Variants in RBM28 observed in about 807,000 individuals in gnomAD.
RBM28 encodes RNA binding motif protein 28.
In RBM28, 78 loss-of-function variants were observed where a neutral mutation model predicts 98.3. That is an observed-to-expected ratio of 0.79 (90% CI 0.66 to 0.96). The LOEUF (loss-of-function observed/expected upper bound fraction) is 0.96, where lower values mean the gene tolerates loss of function less well. Ranked by LOEUF, RBM28 falls within the 40% of genes least tolerant of loss-of-function variation. The pLI, the probability that RBM28 is intolerant of heterozygous loss-of-function variation, is 0.00. For synonymous variants in RBM28, 306 were observed against 330.9 expected, an observed-to-expected ratio of 0.92 and a Z score of 0.82; for missense variants, 838 against 913.0, an observed-to-expected ratio of 0.92 and a Z score of 1.06.
intron 17 of RBM28, among the ~76,000 whole-genome samples, chr7:128,314,408 A>G (rs959045484): frequency 1.3e-5 from 2 of 152,230 alleles, no homozygotes; most frequent in African/African-American, 4.8e-5. Context: ...TTTAACAAAT[A>G]TTTTGTAAAG....
In RBM28 at chr7:128,337,191, C is replaced by T. The variant is rs773829150; in HGVS notation, c.553G>A (p.Ala185Thr). 10 of 1,614,134 alleles carry T rather than the reference C, an allele frequency of 6.2e-6. No individual in the cohort carries two copies. Among genetic ancestry groups the T allele is most frequent in the Non-Finnish European group, 8.5e-6 (10 of 1,179,990 alleles). The change falls in exon 6 of 19, where the codon GCT becomes ACT. Residue 185 changes from alanine (A) to threonine (T), a missense_variant. Transcript: ENST00000223073. ...TCCTTTGCCACGGCCCAATCCACAG[C>T]CACTGTCCGGCCTGTCAAGCAGAAA... Reference protein sequence around the residue: ...NMKEIKGRTVAVDWAVAKDKY... With the variant: ...NMKEIKGRTVTVDWAVAKDKY...
intron 14 of RBM28, among the ~76,000 whole-genome samples, chr7:128,319,099 T>C (rs897845457): frequency 6.6e-6 from 1 of 152,204 alleles, no homozygotes; most frequent in African/African-American, 2.4e-5. Flanking sequence ...ATCATTTACA[T>C]GCCATTACTA....
In RBM28 at chr7:128,335,930, TTCA is replaced by T. The variant is rs371731521; in HGVS notation, c.723_725del (p.Asp241del). 109 of 1,606,740 alleles carry T rather than the reference TTCA, an allele frequency of 6.8e-5. No homozygotes were observed. Among genetic ancestry groups the T allele is most frequent in the Middle Eastern group, 3.3e-4 (2 of 6,066 alleles). On this transcript the variant is annotated inframe_deletion, in exon 7 of 19. Coordinates refer to ENST00000223073, the MANE Select transcript of RBM28 (RefSeq NM_018077.3). ...CTTCATCATCAAAAACCCCATCTTC[TTCA>T]TCATCATCATCGTCATCATCATCGT...
In RBM28 at chr7:128,337,191, C is replaced by G. The variant is rs773829150; in HGVS notation, c.553G>C (p.Ala185Pro). Residue 185 changes from alanine (A) to proline (P), a missense_variant, in exon 6 of 19, where the codon GCT (alanine) becomes CCT (proline). Ala to Pro is a conservative substitution (Grantham distance 27). Coordinates refer to ENST00000223073, the MANE Select transcript of RBM28 (RefSeq NM_018077.3). ...NMKEIKGRTV[A>P]VDWAVAKDKY... is the part of the protein sequence containing the mutation. ...TCCTTTGCCACGGCCCAATCCACAG[C>G]CACTGTCCGGCCTGTCAAGCAGAAA... 1.2e-6 allele frequency: 2 copies of G among 1,614,016 alleles called. No individual in the cohort carries two copies. Among genetic ancestry groups the G allele is most frequent in the Non-Finnish European group, 1.7e-6 (2 of 1,179,998 alleles).
chr7:128,329,123 G>T (rs1160851788), intron 10 of RBM28, among the ~76,000 whole-genome samples: 1 of 152,038 alleles, frequency 6.6e-6, no homozygotes, highest in Non-Finnish European at 1.5e-5. Context: ...TTTTGAGACG[G>T]AGTCTTGCTC....
In RBM28 at chr7:128,343,756, G is replaced by A. The variant is rs1275741096; in HGVS notation, c.38C>T (p.Pro13Leu). ...GLTLFVGRLP[P>L]SARSEQLEEL... ...CTCCAGCTGCTCACTGCGGGCCGAGGGCGGGAGGCGGCCCACAAATAAGGT... is the reference window on the plus strand; with the variant it reads ...CTCCAGCTGCTCACTGCGGGCCGAGAGCGGGAGGCGGCCCACAAATAAGGT... The change falls in exon 1 of 19, where the codon CCC becomes CTC. Residue 13 changes from proline (P) to leucine (L), a missense_variant. Physicochemically the swap from Pro to Leu is moderately conservative, Grantham distance 98. Transcript: ENST00000223073. The A allele has an allele frequency of 6.2e-7, 1 of 1,609,952 alleles. No individual in the cohort carries two copies. Among genetic ancestry groups the A allele is most frequent in the Non-Finnish European group, 8.5e-7 (1 of 1,177,946 alleles).
intron 15 of RBM28, 21 bp downstream of exon 15, chr7:128,317,936 T>G (rs1267095985): frequency 6.2e-7 from 1 of 1,613,734 alleles, no homozygotes; most frequent in African/African-American, 1.3e-5. Flanking sequence ...GGAACAAGTC[T>G]CCCCAGAGGA....
At chr7:128,317,465 C>T (rs1359633399) in intron 16 of RBM28, among the ~76,000 whole-genome samples, 194 bp downstream of exon 16, 1 of 152,158 alleles carries the variant, frequency 6.6e-6, no homozygotes, top group East Asian at 1.9e-4. Context: ...CCTTTCCCTT[C>T]TGCTGTAGAG....
intron 5 of RBM28, 128 bp downstream of exon 5, chr7:128,338,122 C>T (rs554750763): frequency 1.1e-5 from 8 of 730,688 alleles, no homozygotes; most frequent in Admixed American, 4.1e-5. Flanking sequence ...ACCTAAATAG[C>T]TACCGTATTA....
chr7:128,313,165 C>T lies in RBM28; in HGVS notation c.2145+10G>A. The T allele has an allele frequency of 6.2e-7, 1 of 1,611,072 alleles. No homozygotes were observed. Among genetic ancestry groups the T allele is most frequent in the East Asian group, 2.2e-5 (1 of 44,870 alleles). On this transcript the variant is annotated intron_variant, in intron 18 of 18. Transcript: ENST00000223073. ...TGCCATACCAAAGCTGTATGTCCTG[C>T]AGAACTCACCTGCTCGGACGATAAT...
At chr7:128,331,331 T>TAAAAA (rs34522896) in intron 9 of RBM28, among the ~76,000 whole-genome samples, 1 of 139,400 alleles carries the variant, frequency 7.2e-6, no homozygotes. Flanking sequence ...TGTTATACCT[T>TAAAAA]AAAAAAAAAA....
At chr7:128,331,331 T>TA (rs34522896) in intron 9 of RBM28, among the ~76,000 whole-genome samples, 76,114 of 139,300 alleles carry the variant, frequency 0.55, 21,181 homozygotes, top group Non-Finnish European at 0.64. Context: ...TGTTATACCT[T>TA]AAAAAAAAAA....
chr7:128,325,766 T>C, intron 11 of RBM28, 52 bp downstream of exon 11: 1 of 1,363,754 alleles, frequency 7.3e-7, no homozygotes, highest in South Asian at 1.2e-5. Flanking sequence ...ATGTTGCCCC[T>C]AAGAGCCAAA....
In RBM28 at chr7:128,338,256, T is replaced by A. The variant is rs1796644672; in HGVS notation, c.535A>T (p.Ile179Leu). ...ATGGGTATAGAAAGCTTACCTTTTA[T>A]CTCTTTCATGTTCATGCCTTTGAGA... is the stretch of plus-strand genomic sequence containing the variant. ...KALKGMNMKE[I>L]KGRTVAVDWA... Residue 179 changes from isoleucine to leucine, a missense_variant, in exon 5 of 19, where the codon ATA (isoleucine) becomes TTA (leucine). By Grantham distance (5) the Ile-to-Leu change is conservative. Coordinates refer to ENST00000223073, the MANE Select transcript of RBM28 (RefSeq NM_018077.3). 1 of 1,613,400 alleles carries A rather than the reference T, an allele frequency of 6.2e-7. No individual in the cohort carries two copies. The highest frequency in any genetic ancestry group is 1.3e-5 in the African/African-American group (1 of 74,940).
In RBM28 at chr7:128,309,056, G is replaced by C. The variant is rs1216397345; in HGVS notation, c.*1741C>G. Reference sequence around the variant, plus strand: ...AAGCATTATTTGTAACACTCAACTAGACTAAGCAATCAAGAATTTTGGGCC... The same window carrying C: ...AAGCATTATTTGTAACACTCAACTACACTAAGCAATCAAGAATTTTGGGCC... On this transcript the variant is annotated 3_prime_UTR_variant, in exon 19 of 19. Transcript: ENST00000223073. The C allele has an allele frequency of 2.0e-5, 3 of 150,538 alleles. No homozygotes were observed. The highest frequency in any genetic ancestry group is 7.3e-5 in the African/African-American group (3 of 40,904). The allele number at this position is 150,538 out of a possible 1,614,324, so 9.3% of individuals were successfully genotyped here.
intron 16 of RBM28, among the ~76,000 whole-genome samples, chr7:128,316,156 T>C (rs940236150): frequency 7.3e-6 from 1 of 136,894 alleles, no homozygotes; most frequent in African/African-American, 2.6e-5. Context: ...TACAAAAAAA[T>C]AGTGTCTACC....
intron 14 of RBM28, among the ~76,000 whole-genome samples, 196 bp from the exon 15 acceptor site, chr7:128,318,302 T>C (rs1266230720): frequency 1.3e-5 from 2 of 151,966 alleles, no homozygotes; most frequent in Non-Finnish European, 2.9e-5. Flanking sequence ...CTAGGCAACA[T>C]GGCAAAACCT....
chr7:128,322,899 A>G (rs1416434368), intron 13 of RBM28, among the ~76,000 whole-genome samples: 2 of 152,146 alleles, frequency 1.3e-5, no homozygotes, highest in African/African-American at 2.4e-5. Flanking sequence ...TTAAGGTTCC[A>G]TAGCTAATTC....
At chr7:128,338,373 G>C (rs1434471298) in intron 4 of RBM28, 31 bp from the exon 5 acceptor site, 8 of 1,544,918 alleles carry the variant, frequency 5.2e-6, no homozygotes, top group Non-Finnish European at 6.3e-6. Context: ...AAAGAAGTGA[G>C]AGGCAGCAGG....
Sources: gnomAD v4.1 joint callset for allele counts (sites outside exome capture counted in the v4.1 genomes callset) on GRCh38, gnomAD v4.1.1 for gene constraint, MANE v1.5 for transcripts, NCBI Gene and HGNC (gene_info 2026-07-23, HGNC 2026-07-21) for gene names.